The following RALY variants were observed in gnomAD, a reference collection of about 807,000 sequenced individuals.
RALY encodes RNA-binding protein Raly.
Under a neutral mutation model 30.7 loss-of-function variants are expected in RALY, and 15 were observed. That is an observed-to-expected ratio of 0.49 (90% CI 0.33 to 0.75). The LOEUF (loss-of-function observed/expected upper bound fraction) is 0.75. Among genes scored for constraint, RALY ranks in the 30% least tolerant of loss-of-function variants. RALY has a pLI of 0.02. For synonymous variants in RALY, 177 were observed against 170.8 expected, an observed-to-expected ratio of 1.04 and a Z score of -0.28; for missense variants, 339 against 414.3, an observed-to-expected ratio of 0.82 and a Z score of 1.58.
chr20:34,012,762 G>A (rs1417031185), intron 1 of RALY, among the ~76,000 whole-genome samples: 1 of 152,218 alleles, frequency 6.6e-6, no homozygotes, highest in East Asian at 1.9e-4. Flanking sequence ...TTGGCCGCAA[G>A]GCTCATGCAG....
At position 34,077,659 on chromosome 20, in the gene RALY, G is replaced by C. The variant is rs530875661; in HGVS notation, c.876+414G>C. The C allele has an allele frequency of 1.7e-3, 488 of 293,804 alleles. 8 individuals carry two copies. The highest frequency in any genetic ancestry group is 0.015 in the South Asian group (478 of 31,948). The allele number at this position is 293,804 out of a possible 1,614,324, so 18.2% of individuals were successfully genotyped here. A position where few individuals can be genotyped will look rare whatever the true frequency, so the allele number is the denominator to read the frequency against. Reference sequence around the variant, plus strand: ...GCATGAAGCAAAAGCTGTCTCATAAGGGGGTGAGCTCCCCGCCTGTTACTA... The same window carrying C: ...GCATGAAGCAAAAGCTGTCTCATAACGGGGTGAGCTCCCCGCCTGTTACTA... On this transcript the variant is annotated intron_variant, in intron 8 of 9. Transcript: ENST00000246194.
chr20:34,027,684 G>GT (rs1171166151), intron 1 of RALY, among the ~76,000 whole-genome samples: 1 of 152,184 alleles, frequency 6.6e-6, no homozygotes, highest in Non-Finnish European at 1.5e-5. Flanking sequence ...ATTCAGAGCT[G>GT]TTTACACAGC....
chr20:34,072,959 TGA>T lies in RALY; in HGVS notation c.257-595_257-594del, dbSNP rs1555809418. Among the ~76,000 whole-genome samples the T allele has an allele frequency of 1.4e-3, 202 of 148,998 alleles. 1 individual carries two copies. Among genetic ancestry groups the T allele is most frequent in the African/African-American group, 4.7e-3 (188 of 40,234 alleles). The stretch of plus-strand genomic sequence containing the variant: ...GTGTGTGTGTGTGTGTGTGTGTGTG[TGA>T]GAGAGAGAACATATTTGAATGTGTC... On this transcript the variant is annotated intron_variant, in intron 3 of 9. Transcript: ENST00000246194.
intron 2 of RALY, among the ~76,000 whole-genome samples, chr20:34,038,332 C>T (rs530127626): frequency 2.2e-4 from 33 of 152,220 alleles, no homozygotes; most frequent in African/African-American, 7.2e-4. Context: ...AGAGCAAAAT[C>T]TAAGCTGGAT....
chr20:34,038,637 A>G (rs939272545), intron 2 of RALY, among the ~76,000 whole-genome samples: 1 of 152,158 alleles, frequency 6.6e-6, no homozygotes, highest in African/African-American at 2.4e-5. Flanking sequence ...AAGATAAAAG[A>G]TATCTGTGGT....
chr20:34,060,802 A>T (rs576882126), intron 2 of RALY, among the ~76,000 whole-genome samples: 1 of 152,348 alleles, frequency 6.6e-6, no homozygotes, highest in Non-Finnish European at 1.5e-5. Flanking sequence ...GCTCTGAGTT[A>T]TGCTGAAAGA....
Position 34,020,621 on chromosome 20 carries a change from T to G in RALY, c.-92-10901T>G, listed in dbSNP as rs1246227790. 2.6e-5 allele frequency among the ~76,000 whole-genome samples: 4 copies of G among 152,182 alleles called. No homozygotes were observed. The East Asian group carries it at 7.7e-4, about 29-fold the overall frequency. On this transcript the variant is annotated intron_variant, in intron 1 of 9. Transcript: ENST00000246194. ...AACTGGTGGGGCAAATCTAGCCCATTGCCTCTTTTGTAAAGTTTTACTGGA... is the reference window on the plus strand; with the variant it reads ...AACTGGTGGGGCAAATCTAGCCCATGGCCTCTTTTGTAAAGTTTTACTGGA...
intron 2 of RALY, among the ~76,000 whole-genome samples, chr20:34,047,692 C>A (rs913915398): frequency 6.6e-6 from 1 of 152,190 alleles, no homozygotes; most frequent in Non-Finnish European, 1.5e-5. Context: ...CTCAGATCCT[C>A]TTTTTCCTTT....
At chr20:34,012,648 A>C (rs1249013183) in intron 1 of RALY, among the ~76,000 whole-genome samples, 1 of 152,182 alleles carries the variant, frequency 6.6e-6, no homozygotes, top group Non-Finnish European at 1.5e-5. Context: ...ACTTGCAGTA[A>C]AAAGTAGGGC....
At position 34,076,776 on chromosome 20, in the gene RALY, C is replaced by A. The variant is rs1355720209; in HGVS notation, c.619C>A (p.Arg207Ser). 1 of 1,613,996 alleles carries A rather than the reference C, an allele frequency of 6.2e-7. No individual in the cohort carries two copies. Among genetic ancestry groups the A allele is most frequent in the East Asian group, 2.2e-5 (1 of 44,894 alleles). ...GTCCAATATCGATGCCCTGCTGAGC[C>A]GCTTGGAGCAGATCGCTGCGGAGCA... ...IKSNIDALLS[R>S]LEQIAAEQKA... Residue 207 changes from arginine (R) to serine (S), a missense_variant, in exon 7 of 10, where the codon CGC becomes AGC. Arg to Ser is a moderately radical substitution (Grantham distance 110). This residue lies in a region of RALY where 268 missense variants were observed against 280.6 expected (regional missense o/e 0.95). Coordinates refer to ENST00000246194, the MANE Select transcript of RALY (RefSeq NM_016732.3).
intron 1 of RALY, chr20:34,029,763 A>T (rs1048664717): frequency 1.3e-5 from 2 of 152,262 alleles, no homozygotes; most frequent in Non-Finnish European, 1.5e-5. Context: ...TTGTCTTTTG[A>T]TCCAGAGCTG....
At chr20:34,072,029 C>G (rs2033741820) in intron 2 of RALY, 37 bp from the exon 3 acceptor site, 2 of 1,601,928 alleles carry the variant, frequency 1.2e-6, no homozygotes, top group East Asian at 2.2e-5. Context: ...TGAGCCCAGC[C>G]CAGGGACCCA....
intron 2 of RALY, among the ~76,000 whole-genome samples, chr20:34,034,674 A>G (rs2032412505): frequency 6.6e-6 from 1 of 152,204 alleles, no homozygotes; most frequent in African/African-American, 2.4e-5. Flanking sequence ...ATCCTTAAGT[A>G]TTTGCACAGT....
intron 9 of RALY, among the ~76,000 whole-genome samples, chr20:34,078,887 G>A (rs546176731): frequency 6.6e-6 from 1 of 152,322 alleles, no homozygotes; most frequent in East Asian, 1.9e-4. Context: ...ACCACCTAGT[G>A]TGAGCAGGAT....
intron 3 of RALY, among the ~76,000 whole-genome samples, chr20:34,072,800 G>A (rs2033764667): frequency 6.6e-6 from 1 of 152,176 alleles, no homozygotes; most frequent in African/African-American, 2.4e-5. Context: ...TCATGCATGT[G>A]CATTTACTCC....
At chr20:34,071,217 C>T (rs2033717055) in intron 2 of RALY, among the ~76,000 whole-genome samples, 1 of 152,140 alleles carries the variant, frequency 6.6e-6, no homozygotes, top group Non-Finnish European at 1.5e-5. Flanking sequence ...GCTTAGCTAG[C>T]ATACCCTTTT....
rs577432203 is a variant in RALY at position 34,047,015 on chromosome 20, C to T, written c.-10+15411C>T. ...TGTATTTTTAGTAGAGATGGGGTTT[C>T]TCCATGTTGGTCAGGCTGGTTTCGA... On this transcript the variant is annotated intron_variant, in intron 2 of 9. Transcript: ENST00000246194. Among the ~76,000 whole-genome samples, 28 of 152,152 alleles carry T rather than the reference C, an allele frequency of 1.8e-4. No individual in the cohort carries two copies. In the East Asian group the frequency reaches 5.4e-3, roughly 29 times the overall value.
rs565603685 is a variant in RALY at position 34,030,838 on chromosome 20, C to A, written c.-92-684C>A. On this transcript the variant is annotated intron_variant, in intron 1 of 9. Coordinates refer to ENST00000246194, the MANE Select transcript of RALY (RefSeq NM_016732.3). ...CCTCAGGGCCTTTGTACTTGCTATT[C>A]TCTCCCTGGAACACTCTTCCCTCAG... Among the ~76,000 whole-genome samples the A allele has an allele frequency of 2.6e-5, 4 of 152,292 alleles. No homozygotes were observed. The South Asian group carries it at 8.3e-4, about 32-fold the overall frequency.
intron 1 of RALY, among the ~76,000 whole-genome samples, chr20:33,995,124 T>C (rs2122948342): frequency 6.6e-6 from 1 of 152,364 alleles, no homozygotes; most frequent in East Asian, 1.9e-4. Flanking sequence ...GGGTTTTCCC[T>C]GACTTCTGGG....
Sources: gnomAD v4.1 joint callset for allele counts (sites outside exome capture counted in the v4.1 genomes callset) on GRCh38, gnomAD v4.1.1 for gene constraint, gnomAD v4.1.1 regional missense constraint, MANE v1.5 for transcripts, NCBI Gene and HGNC (gene_info 2026-07-23, HGNC 2026-07-21) for gene names.